Variants in CADPS observed in about 807,000 individuals in gnomAD.
CADPS encodes calcium dependent secretion activator.
In CADPS, 57 loss-of-function variants were observed where a neutral mutation model predicts 167.3. That is an observed-to-expected ratio of 0.34 (90% CI 0.28 to 0.42). The LOEUF is 0.42. Ranked by LOEUF, CADPS falls within the 20% of genes least tolerant of loss-of-function variation. The probability of loss-of-function intolerance (pLI) is 1.00; values close to 1 mark genes in which losing one functional copy is unlikely to be tolerated. For synonymous variants in CADPS, 676 were observed against 635.3 expected (o/e 1.06, Z -0.96); for missense variants, 1,414 against 1,738.1 (o/e 0.81, Z 3.32).
Position 62,499,760 on chromosome 3 carries a change from T to C in CADPS, c.2600-492A>G, listed in dbSNP as rs145607944. 5.5e-3 allele frequency: 848 copies of C among 153,786 alleles called. 5 individuals are homozygous for C. Among genetic ancestry groups the C allele is most frequent in the African/African-American group, 0.018 (765 of 41,572 alleles). The allele number at this position is 153,786 out of a possible 1,614,324, so 9.5% of individuals were successfully genotyped here. A position where few individuals can be genotyped will look rare whatever the true frequency, so the allele number is the denominator to read the frequency against. ...CATTTTGAAAATGCAGATTCAAATG[T>C]CTGCTTCAAGTTGTCCAGGGAGGAG... On this transcript the variant is annotated intron_variant, in intron 17 of 29. Coordinates refer to ENST00000383710, the MANE Select transcript of CADPS (RefSeq NM_003716.4).
chr3:62,687,181 C>G (rs2078205875), intron 3 of CADPS, among the ~76,000 whole-genome samples: 1 of 152,100 alleles, frequency 6.6e-6, no homozygotes, highest in Non-Finnish European at 1.5e-5. Context: ...GGGCCCAACA[C>G]GGGGGTGGCA....
intron 1 of CADPS, among the ~76,000 whole-genome samples, chr3:62,768,771 A>G (rs2087664469): frequency 6.6e-6 from 1 of 152,196 alleles, no homozygotes; most frequent in Non-Finnish European, 1.5e-5. Flanking sequence ...CAGAGAAGAG[A>G]AATTACAGAA....
chr3:62,764,747 C>T (rs552894917), intron 2 of CADPS, among the ~76,000 whole-genome samples: 6 of 152,232 alleles, frequency 3.9e-5, no homozygotes, highest in African/African-American at 7.2e-5. Context: ...AGACTAAGTA[C>T]GTGCTTAGAG....
intron 7 of CADPS, among the ~76,000 whole-genome samples, chr3:62,589,722 T>C (rs2148727643): frequency 6.6e-6 from 1 of 152,300 alleles, no homozygotes; most frequent in Non-Finnish European, 1.5e-5. Flanking sequence ...GCTTGATCGC[T>C]CTGGAGAGGT....
At position 62,438,062 on chromosome 3, in the gene CADPS, G is replaced by A; in HGVS notation, c.3777+42C>T. The A allele has an allele frequency of 7.7e-7, 1 of 1,306,492 alleles. No individual in the cohort carries two copies. The highest frequency in any genetic ancestry group is 1.1e-6 in the Non-Finnish European group (1 of 904,318). The allele number at this position is 1,306,492 out of a possible 1,614,324, so 80.9% of individuals were successfully genotyped here. Reference sequence around the variant, plus strand: ...CTCTTATTTTGTCACATTTTGGAGGGTCTCCTCCTTGGTTTTCAAGGAGGA... The same window carrying A: ...CTCTTATTTTGTCACATTTTGGAGGATCTCCTCCTTGGTTTTCAAGGAGGA... On this transcript the variant is annotated intron_variant, in intron 28 of 29. Transcript: ENST00000383710. The surrounding 1 kb of genome is among the most constrained non-coding windows in gnomAD (Gnocchi z 4.7).
rs150332085 is a variant in CADPS, at chr3:62,417,162, T to G, written c.3778-13977A>C. Among the ~76,000 whole-genome samples, 550 of 152,334 alleles carry G rather than the reference T, an allele frequency of 3.6e-3. 3 individuals carry two copies. The highest frequency in any genetic ancestry group is 0.012 in the African/African-American group (519 of 41,588). ...GTCTGAACACTATTGGTGATTCTGA[T>G]TTGTTGTGCCACATTAGCATATTAA... On this transcript the variant is annotated intron_variant, in intron 28 of 29. Transcript: ENST00000383710.
At chr3:62,748,647 T>C (rs2082058011) in intron 3 of CADPS, among the ~76,000 whole-genome samples, 1 of 152,160 alleles carries the variant, frequency 6.6e-6, no homozygotes, top group Admixed American at 6.6e-5. Flanking sequence ...TTCATGAAGA[T>C]GGAAAGCAGG....
intron 1 of CADPS, among the ~76,000 whole-genome samples, chr3:62,792,837 A>G (rs2093066703): frequency 6.6e-6 from 1 of 152,066 alleles, no homozygotes; most frequent in Admixed American, 6.6e-5. Flanking sequence ...GCCTCAGGTG[A>G]TCCTCCTACC....
intron 28 of CADPS, among the ~76,000 whole-genome samples, chr3:62,419,529 C>T (rs2050868200): frequency 6.6e-6 from 1 of 152,118 alleles, no homozygotes. Flanking sequence ...GTTTTGGTGG[C>T]ACATCCTACC....
chr3:62,693,601 G>A (rs2079626582), intron 3 of CADPS, among the ~76,000 whole-genome samples: 1 of 151,818 alleles, frequency 6.6e-6, no homozygotes, highest in Non-Finnish European at 1.5e-5. Flanking sequence ...GGGCAATATG[G>A]TGAAACTCTG....
At chr3:62,820,197 G>C (rs1242704231) in intron 1 of CADPS, among the ~76,000 whole-genome samples, 1 of 152,174 alleles carries the variant, frequency 6.6e-6, no homozygotes, top group Non-Finnish European at 1.5e-5. Flanking sequence ...TAGGGGAATG[G>C]TCTAGAATTT....
intron 13 of CADPS, among the ~76,000 whole-genome samples, chr3:62,519,620 T>A (rs2069935307): frequency 6.6e-6 from 1 of 152,128 alleles, no homozygotes; most frequent in Non-Finnish European, 1.5e-5. Flanking sequence ...TTACAAAGTT[T>A]ATTAAAAAAT....
chr3:62,663,923 C>T (rs1159862970), intron 3 of CADPS, among the ~76,000 whole-genome samples: 2 of 152,152 alleles, frequency 1.3e-5, no homozygotes, highest in African/African-American at 2.4e-5. Context: ...TATTCTAAGG[C>T]AGTATTTTCC....
At chr3:62,487,016 G>A (rs1012608249) in intron 21 of CADPS, among the ~76,000 whole-genome samples, 2 of 152,238 alleles carry the variant, frequency 1.3e-5, no homozygotes, top group African/African-American at 4.8e-5. Context: ...TGGTGGGAAT[G>A]TCTTATGGAA....
Position 62,549,923 on chromosome 3 carries a change from T to C in CADPS, c.1946A>G (p.Asp649Gly), listed in dbSNP as rs751489838. ...CTTACAAAATTGAGAGATAGGGGCA[T>C]CCAGCTGAGGTACATTTCCTCCCTT... ...NAKGGNVPQLDAPISQFYADR... is the reference protein window; with the variant it reads ...NAKGGNVPQLGAPISQFYADR... Residue 649 changes from aspartate (D) to glycine (G), a missense_variant, in exon 11 of 30, where the codon GAT (aspartate) becomes GGT (glycine). Around this residue, in one of 6 missense-constraint regions of CADPS, gnomAD observed 529 missense variants for 629.6 expected, o/e 0.84. Coordinates refer to ENST00000383710, the MANE Select transcript of CADPS (RefSeq NM_003716.4). The C allele has an allele frequency of 1.2e-6, 2 of 1,614,046 alleles. No homozygotes were observed. Among genetic ancestry groups the C allele is most frequent in the Non-Finnish European group, 1.7e-6 (2 of 1,179,890 alleles).
At chr3:62,404,944 C>G (rs1707875061) in intron 28 of CADPS, 1 of 151,846 alleles carries the variant, frequency 6.6e-6, no homozygotes, top group South Asian at 2.1e-4. Context: ...TTTTTGGCAC[C>G]TCCTGCCTTG....
At chr3:62,703,896 T>G (rs35304202) in intron 3 of CADPS, among the ~76,000 whole-genome samples, 12,093 of 152,220 alleles carry the variant, frequency 0.079, 637 homozygotes, top group Non-Finnish European at 0.12. Context: ...CAAAGCATGT[T>G]CCTCTGAAAG....
At chr3:62,575,411 A>G (rs1297030787) in intron 8 of CADPS, among the ~76,000 whole-genome samples, 3 of 152,202 alleles carry the variant, frequency 2.0e-5, no homozygotes, top group Non-Finnish European at 4.4e-5. Flanking sequence ...ATAAATTACT[A>G]GAGTTATCTC....
intron 6 of CADPS, among the ~76,000 whole-genome samples, chr3:62,599,663 TATATTATATATAC>T (rs1489872424): frequency 2.3e-4 from 14 of 60,780 alleles, no homozygotes; most frequent in African/African-American, 8.7e-4. Context: ...TAATATAATA[TATATTATATATAC>T]AATATTATAT....
Sources: gnomAD v4.1 joint callset for allele counts (sites outside exome capture counted in the v4.1 genomes callset) on GRCh38, gnomAD v4.1.1 for gene constraint, gnomAD v4.1.1 regional missense constraint, Gnocchi (gnomAD v3.1) non-coding constraint, MANE v1.5 for transcripts, NCBI Gene and HGNC (gene_info 2026-07-23, HGNC 2026-07-21) for gene names.